Variants in MADCAM1 observed in about 807,000 individuals in gnomAD.
MADCAM1 encodes mucosal addressin cell adhesion molecule 1.
MADCAM1 carries 19 observed loss-of-function variants against 26.1 expected under a neutral mutation model. The ratio of observed to expected loss-of-function variants is 0.73; its 90% CI spans 0.51 to 1.07. The LOEUF (loss-of-function observed/expected upper bound fraction) is 1.07, where lower values mean the gene tolerates loss of function less well. MADCAM1 is among the 50% of genes least tolerant of loss of function. The pLI, the probability that MADCAM1 is intolerant of heterozygous loss-of-function variation, is 0.00. For synonymous variants in MADCAM1, 268 were observed against 260.9 expected (o/e 1.03, Z -0.26); for missense variants, 514 against 542.1 (o/e 0.95, Z 0.51).
Position 505,257 on chromosome 19 carries a change from C to G in MADCAM1, c.*292C>G, listed in dbSNP as rs888428144. 1 of 346,530 alleles carries G rather than the reference C, an allele frequency of 2.9e-6. No individual in the cohort carries two copies. The highest frequency in any genetic ancestry group is 5.3e-6 in the Non-Finnish European group (1 of 190,302). The allele number at this position is 346,530 out of a possible 1,614,324, so 21.5% of individuals were successfully genotyped here. ...CATGTCTCACGTCTCCCTAAAAATGCGTAAGACCAAGCTGTGCCCTGACCA... is the reference window on the plus strand; with the variant it reads ...CATGTCTCACGTCTCCCTAAAAATGGGTAAGACCAAGCTGTGCCCTGACCA... On this transcript the variant is annotated 3_prime_UTR_variant, in exon 5 of 5. Coordinates refer to ENST00000215637, the MANE Select transcript of MADCAM1 (RefSeq NM_130760.3).
chr19:505,298 G>A lies in MADCAM1; in HGVS notation c.*333G>A, dbSNP rs901274909. 4.1e-5 allele frequency: 11 copies of A among 268,774 alleles called. No individual in the cohort carries two copies. The highest frequency in any genetic ancestry group is 2.2e-4 in the African/African-American group (10 of 45,642). 16.6% of individuals were successfully genotyped at this position (268,774 alleles called of 1,614,324 possible). On this transcript the variant is annotated 3_prime_UTR_variant, in exon 5 of 5. Transcript: ENST00000215637. ...GCCCTGACCACCCTGGGCCCCTGTC[G>A]TCAGGACCTCCTGAGGCTTTGGCAA...
chr19:504,915 G>T lies in MADCAM1; in HGVS notation c.1099G>T (p.Ala367Ser), dbSNP rs1286718434. The T allele has an allele frequency of 8.7e-6, 14 of 1,612,126 alleles. No individual in the cohort carries two copies. Among genetic ancestry groups the T allele is most frequent in the Admixed American group, 1.7e-5 (1 of 59,980 alleles). Residue 367 changes from alanine (A) to serine (S), a missense_variant, in exon 5 of 5, where the codon GCC becomes TCC. Coordinates refer to ENST00000215637, the MANE Select transcript of MADCAM1 (RefSeq NM_130760.3). Reference sequence around the variant, plus strand: ...TCTGAGGCTTCTGCCCCAGGTGTCGGCCTGGGCTGGGTTAAGGGGGACCGG... The same window carrying T: ...TCTGAGGCTTCTGCCCCAGGTGTCGTCCTGGGCTGGGTTAAGGGGGACCGG... ...ASLRLLPQVS[A>S]WAGLRGTGQV... is the part of the protein sequence containing the mutation.
rs1262788862 is a variant in MADCAM1 at position 499,272 on chromosome 19, G to C, written c.667+447G>C. 22 of 461,662 alleles carry C rather than the reference G, an allele frequency of 4.8e-5. No homozygotes were observed. The Admixed American group carries it at 5.2e-4, about 11-fold the overall frequency. The allele number at this position is 461,662 out of a possible 1,614,324, so 28.6% of individuals were successfully genotyped here. A position where few individuals can be genotyped will look rare whatever the true frequency, so the allele number is the denominator to read the frequency against. ...CCTCTGCCGGGAATACCCTTCTTCC[G>C]GATCTTTCCACGGCTCTCTCCTCCT... On this transcript the variant is annotated intron_variant, in intron 3 of 4. Transcript: ENST00000215637.
intron 3 of MADCAM1, chr19:499,034 A>G: frequency 1.2e-6 from 1 of 804,662 alleles, no homozygotes; most frequent in South Asian, 1.5e-5. Context: ...TCCCCTGCCC[A>G]CAGCGCTCCA....
Position 503,446 on chromosome 19 carries a change from C to T in MADCAM1, c.929-1299C>T, listed in dbSNP as rs569244459. Among the ~76,000 whole-genome samples, 109 of 150,226 alleles carry T rather than the reference C, an allele frequency of 7.3e-4. 1 individual carries two copies. Among genetic ancestry groups the T allele is most frequent in the Middle Eastern group, 3.4e-3 (1 of 292 alleles). ...AATACAAAAAATTAGCCGGGCGTGG[C>T]AGCGGGCGCCTGTAGTCCCAGCTAC... On this transcript the variant is annotated intron_variant, in intron 4 of 4. Coordinates refer to ENST00000215637, the MANE Select transcript of MADCAM1 (RefSeq NM_130760.3).
At position 503,505 on chromosome 19, in the gene MADCAM1, T is replaced by C. The variant is rs370227436; in HGVS notation, c.929-1240T>C. ...CTGAGGCAGGAGAATGGCGTGAACCTGGGAGGCGGAGCCTGCAGTGAGCCG... is the reference window on the plus strand; with the variant it reads ...CTGAGGCAGGAGAATGGCGTGAACCCGGGAGGCGGAGCCTGCAGTGAGCCG... On this transcript the variant is annotated intron_variant, in intron 4 of 4. Transcript: ENST00000215637. Among the ~76,000 whole-genome samples the C allele has an allele frequency of 7.8e-3, 967 of 123,758 alleles. 5 individuals carry two copies. Among genetic ancestry groups the C allele is most frequent in the Middle Eastern group, 0.019 (3 of 162 alleles). 81.2% of individuals were successfully genotyped at this position (123,758 alleles called of 152,430 possible). A position where few individuals can be genotyped will look rare whatever the true frequency, so the allele number is the denominator to read the frequency against.
At chr19:503,364 G>C (rs3999753) in intron 4 of MADCAM1, among the ~76,000 whole-genome samples, 1 of 148,702 alleles carries the variant, frequency 6.7e-6, no homozygotes, top group Non-Finnish European at 1.5e-5. Context: ...GGCGGATCAC[G>C]AGGTCAGGAG....
chr19:504,271 T>C (rs1464822177), intron 4 of MADCAM1, among the ~76,000 whole-genome samples: 1 of 143,078 alleles, frequency 7.0e-6, no homozygotes, highest in Non-Finnish European at 1.5e-5. Context: ...TTTTTTTTTT[T>C]TTTTTTTTGA....
chr19:501,861 C>T lies in MADCAM1; in HGVS notation c.860C>T (p.Ser287Phe). The change falls in exon 4 of 5, where the codon TCC (serine) becomes TTC (phenylalanine). Residue 287 changes from serine (S) to phenylalanine (F), a missense_variant. Transcript: ENST00000215637. ...GSTHTPRSPG[S>F]TRTRRPEISQ... The stretch of plus-strand genomic sequence containing the variant: ...ACACACACCCCCAGGAGCCCAGGCT[C>T]CACCAGGACTCGCCGCCCTGAGATC... The T allele has an allele frequency of 1.9e-6, 3 of 1,558,030 alleles. No individual in the cohort carries two copies. The highest frequency in any genetic ancestry group is 2.4e-5 in the South Asian group (2 of 84,712).
chr19:497,935 C>A lies in MADCAM1; in HGVS notation c.155C>A (p.Ala52Glu), dbSNP rs747581207. The A allele has an allele frequency of 1.4e-6, 2 of 1,422,116 alleles. No individual in the cohort carries two copies. The highest frequency in any genetic ancestry group is 2.9e-5 in the South Asian group (2 of 69,010). 88.1% of individuals were successfully genotyped at this position (1,422,116 alleles called of 1,614,324 possible). A position where few individuals can be genotyped will look rare whatever the true frequency, so the allele number is the denominator to read the frequency against. The change falls in exon 2 of 5, where the codon GCG becomes GAG. Residue 52 changes from alanine to glutamate, a missense_variant. By Grantham distance (107) the Ala-to-Glu change is moderately radical. Around this residue, in one of 3 missense-constraint regions of MADCAM1, gnomAD observed 317 missense variants for 313.6 expected, o/e 1.01. Coordinates refer to ENST00000215637, the MANE Select transcript of MADCAM1 (RefSeq NM_130760.3). ...SRQLTCRLAC[A>E]DRGASVQWRG... ...CAGCTCACCTGCCGCCTGGCCTGCG[C>A]GGACCGCGGGGCCTCGGTGCAGTGG...
chr19:502,932 A>C (rs1026936743), intron 4 of MADCAM1, among the ~76,000 whole-genome samples: 1 of 152,170 alleles, frequency 6.6e-6, no homozygotes, highest in Non-Finnish European at 1.5e-5. Context: ...TTGCTTACGA[A>C]AGATTTGAGG....
chr19:498,311 T>G (rs1179197175), intron 2 of MADCAM1, among the ~76,000 whole-genome samples, 185 bp from the exon 3 acceptor site: 3 of 151,920 alleles, frequency 2.0e-5, no homozygotes, highest in African/African-American at 7.3e-5. Context: ...TGGCCCATCC[T>G]CCTGTCTATT....
chr19:504,883 C>T lies in MADCAM1; in HGVS notation c.1067C>T (p.Pro356Leu). 6.2e-7 allele frequency: 1 copy of T among 1,613,010 alleles called. No homozygotes were observed. Among genetic ancestry groups the T allele is most frequent in the South Asian group, 1.1e-5 (1 of 91,086 alleles). ...RHLAEDDTHP[P>L]ASLRLLPQVS... ...CTGGCTGAGGACGACACCCACCCAC[C>T]AGCTTCTCTGAGGCTTCTGCCCCAG... The change falls in exon 5 of 5, where the codon CCA becomes CTA. Residue 356 changes from proline to leucine, a missense_variant. Pro to Leu is a moderately conservative substitution (Grantham distance 98). This residue lies in a region of MADCAM1 where 152 missense variants were observed against 136.7 expected (regional missense o/e 1.11). Coordinates refer to ENST00000215637, the MANE Select transcript of MADCAM1 (RefSeq NM_130760.3).
In MADCAM1 at chr19:504,777, G is replaced by T; in HGVS notation, c.961G>T (p.Ala321Ser). ...SKPAGDQLPA[A>S]LWTSSAVLGL... Reference sequence around the variant, plus strand: ...ACCTGCGGGTGACCAGCTGCCCGCGGCTCTGTGGACCAGCAGTGCGGTGCT... The same window carrying T: ...ACCTGCGGGTGACCAGCTGCCCGCGTCTCTGTGGACCAGCAGTGCGGTGCT... Residue 321 changes from alanine to serine, a missense_variant, in exon 5 of 5, where the codon GCT (alanine) becomes TCT (serine). Ala to Ser is a moderately conservative substitution (Grantham distance 99, BLOSUM62 1). Around this residue, in one of 3 missense-constraint regions of MADCAM1, gnomAD observed 152 missense variants for 136.7 expected, o/e 1.11. Coordinates refer to ENST00000215637, the MANE Select transcript of MADCAM1 (RefSeq NM_130760.3). 6.2e-7 allele frequency: 1 copy of T among 1,609,414 alleles called. No individual in the cohort carries two copies. Among genetic ancestry groups the T allele is most frequent in the Non-Finnish European group, 8.5e-7 (1 of 1,176,992 alleles).
rs148863148 is a variant in MADCAM1, at chr19:503,697, T to C, written c.929-1048T>C. On this transcript the variant is annotated intron_variant, in intron 4 of 4. Coordinates refer to ENST00000215637, the MANE Select transcript of MADCAM1 (RefSeq NM_130760.3). ...AGGAGGATCACTTGAGCCCAGGAGG[T>C]TGAGGCTGCAGTGAGCTGAGATCAC... is the stretch of plus-strand genomic sequence containing the variant. 4.7e-3 allele frequency among the ~76,000 whole-genome samples: 705 copies of C among 150,134 alleles called. 6 individuals are homozygous for C. Among genetic ancestry groups the C allele is most frequent in the African/African-American group, 0.016 (668 of 40,614 alleles).
chr19:499,097 C>G, intron 3 of MADCAM1: 1 of 660,524 alleles, frequency 1.5e-6, no homozygotes, highest in Non-Finnish European at 2.8e-6. Context: ...CCACAGGAAC[C>G]TGCACGACCT....
chr19:496,490 G>A lies in MADCAM1; in HGVS notation c.-10G>A, dbSNP rs759620163. On this transcript the variant is annotated 5_prime_UTR_variant, in exon 1 of 5. Transcript: ENST00000215637. ...GCTTCCCCGCGGCCTCGGGACAGAG[G>A]GGACTGAGCATGGATTTCGGACTGG... 6.1e-6 allele frequency: 8 copies of A among 1,310,250 alleles called. No homozygotes were observed. In the South Asian group the frequency reaches 2.5e-4, roughly 42 times the overall value. 81.2% of individuals were successfully genotyped at this position (1,310,250 alleles called of 1,614,324 possible). A position where few individuals can be genotyped will look rare whatever the true frequency, so the allele number is the denominator to read the frequency against.
At chr19:499,331 C>T (rs1454098626) in intron 3 of MADCAM1, 2 of 457,190 alleles carry the variant, frequency 4.4e-6, no homozygotes, top group Admixed American at 2.3e-5. Flanking sequence ...TTGCCTCCTC[C>T]GTGAGGCTTC....
intron 3 of MADCAM1, chr19:501,392 G>A: frequency 3.1e-6 from 1 of 322,664 alleles, no homozygotes; most frequent in Non-Finnish European, 5.5e-6. Flanking sequence ...GGCTGAGGCA[G>A]GGGAATCGCT....
Sources: gnomAD v4.1 joint callset for allele counts (sites outside exome capture counted in the v4.1 genomes callset) on GRCh38, gnomAD v4.1.1 for gene constraint, gnomAD v4.1.1 regional missense constraint, MANE v1.5 for transcripts, NCBI Gene and HGNC (gene_info 2026-07-23, HGNC 2026-07-21) for gene names.